OXR1: variants seen among roughly 807,000 people sequenced by gnomAD.
OXR1 encodes oxidation resistance 1.
Under a neutral mutation model 104.6 loss-of-function variants are expected in OXR1, and 41 were observed. The ratio of observed to expected loss-of-function variants is 0.39; its 90% CI spans 0.31 to 0.51. The LOEUF is 0.51. Ranked by LOEUF, OXR1 falls within the 20% of genes least tolerant of loss-of-function variation. The pLI is 0.77. For missense variants in OXR1, 955 were observed against 1,031.9 expected, an observed-to-expected ratio of 0.93 and a Z score of 1.02; for synonymous variants, 348 against 348.4, an observed-to-expected ratio of 1.00 and a Z score of 0.01.
chr8:106,577,613 C>T (rs1351858971), intron 3 of OXR1, among the ~76,000 whole-genome samples: 6 of 152,038 alleles, frequency 3.9e-5, no homozygotes, highest in Admixed American at 3.9e-4. Context: ...TGGTCTCGAA[C>T]TCCTGACCTG....
intron 1 of OXR1, among the ~76,000 whole-genome samples, chr8:106,338,882 C>T (rs1202999089): frequency 2.0e-5 from 3 of 152,090 alleles, no homozygotes; most frequent in African/African-American, 7.2e-5. Flanking sequence ...CCCACTCTCT[C>T]TCTCTTTAAT....
chr8:106,506,593 A>G (rs868791641), intron 2 of OXR1, among the ~76,000 whole-genome samples: 47 of 152,176 alleles, frequency 3.1e-4, no homozygotes, highest in African/African-American at 1.1e-3. Context: ...CCTGGGTGAC[A>G]GAGCGAGACT....
intron 2 of OXR1, among the ~76,000 whole-genome samples, chr8:106,518,142 T>C (rs931905258): frequency 6.6e-6 from 1 of 152,174 alleles, no homozygotes; most frequent in African/African-American, 2.4e-5. Context: ...TTTTAGGAAA[T>C]TGCAAGTGTT....
At chr8:106,327,576 T>C (rs1011103120) in intron 1 of OXR1, among the ~76,000 whole-genome samples, 5 of 151,820 alleles carry the variant, frequency 3.3e-5, no homozygotes, top group Admixed American at 2.6e-4. Flanking sequence ...GTAATGCGTC[T>C]TGCTAAATGC....
At chr8:106,709,005 T>G (rs1243417562) in intron 9 of OXR1, among the ~76,000 whole-genome samples, 1 of 152,122 alleles carries the variant, frequency 6.6e-6, no homozygotes, top group Non-Finnish European at 1.5e-5. Flanking sequence ...AATTCATATA[T>G]TAATACTTGA....
At chr8:106,359,085 T>G (rs2130335986) in intron 1 of OXR1, among the ~76,000 whole-genome samples, 1 of 122,522 alleles carries the variant, frequency 8.2e-6, no homozygotes, top group East Asian at 2.4e-4. Context: ...CTTTCTTTCT[T>G]TCTTTCTTTC....
intron 2 of OXR1, among the ~76,000 whole-genome samples, chr8:106,481,064 A>G: frequency 6.6e-6 from 1 of 152,056 alleles, no homozygotes; most frequent in East Asian, 1.9e-4. Flanking sequence ...GGTAATAGCT[A>G]GAACTAAGCA....
intron 8 of OXR1, among the ~76,000 whole-genome samples, chr8:106,706,153 A>C (rs1198109102): frequency 1.3e-5 from 2 of 152,156 alleles, no homozygotes; most frequent in South Asian, 4.1e-4. Flanking sequence ...ATATTAAGCA[A>C]TTGATATAAA....
chr8:106,707,194 C>CTCCGTCTT (rs1831222003), intron 9 of OXR1, 49 bp downstream of exon 9: 2 of 1,554,676 alleles, frequency 1.3e-6, no homozygotes, highest in African/African-American at 2.7e-5. Context: ...TGTATGGTGT[C>CTCCGTCTT]TCCGTCTTTC....
intron 1 of OXR1, among the ~76,000 whole-genome samples, chr8:106,345,789 T>C (rs1275637169): frequency 6.6e-6 from 1 of 152,222 alleles, no homozygotes; most frequent in Non-Finnish European, 1.5e-5. Flanking sequence ...TTATGATTAT[T>C]GGTTTTTTGA....
chr8:106,729,614 A>G (rs1049865352), intron 11 of OXR1, among the ~76,000 whole-genome samples: 1 of 152,146 alleles, frequency 6.6e-6, no homozygotes, highest in African/African-American at 2.4e-5. Context: ...ACCAGTATTT[A>G]TGTATGTCTT....
At chr8:106,627,216 C>T (rs1390082061) in intron 3 of OXR1, among the ~76,000 whole-genome samples, 2 of 152,142 alleles carry the variant, frequency 1.3e-5, no homozygotes, top group East Asian at 3.9e-4. Flanking sequence ...GATGTTGTTA[C>T]ATAAGAGAAC....
At chr8:106,545,005 C>T (rs572329094) in intron 3 of OXR1, among the ~76,000 whole-genome samples, 7 of 152,240 alleles carry the variant, frequency 4.6e-5, no homozygotes, top group East Asian at 3.9e-4. Flanking sequence ...TTGGCACTAA[C>T]GTCATTTTGG....
chr8:106,671,600 A>G (rs1161875604), intron 3 of OXR1, among the ~76,000 whole-genome samples: 1 of 152,130 alleles, frequency 6.6e-6, no homozygotes, highest in African/African-American at 2.4e-5. Context: ...TGGATTAAGA[A>G]AATGTGGCAC....
intron 2 of OXR1, among the ~76,000 whole-genome samples, chr8:106,497,097 G>A (rs1043629983): frequency 1.3e-5 from 2 of 152,196 alleles, no homozygotes; most frequent in Non-Finnish European, 2.9e-5. Context: ...AGAGAAATGT[G>A]ATATTTCTGA....
chr8:106,493,053 A>T (rs955883020), intron 2 of OXR1, among the ~76,000 whole-genome samples: 24 of 152,044 alleles, frequency 1.6e-4, no homozygotes, highest in South Asian at 4.1e-4. Context: ...ACTTTTTTTT[A>T]AAAAAATTGA....
In OXR1 at chr8:106,718,683, C is replaced by CA. The variant is rs919391153; in HGVS notation, c.1956+4704dup. Among the ~76,000 whole-genome samples, 17 of 151,606 alleles carry CA rather than the reference C, an allele frequency of 1.1e-4. 1 individual carries two copies. The highest frequency in any genetic ancestry group is 1.1e-3 in the Admixed American group (16 of 15,216). On this transcript the variant is annotated intron_variant, in intron 11 of 16. Coordinates refer to ENST00000517566, the MANE Select transcript of OXR1 (RefSeq NM_001198533.2). The stretch of plus-strand genomic sequence containing the variant: ...TGAAACCCCGTCTCTACTAAAAATA[C>CA]AAAAAATTAGCCGGGCGTGGTGGCG...
At chr8:106,354,250 T>C (rs1815864236) in intron 1 of OXR1, among the ~76,000 whole-genome samples, 3 of 152,166 alleles carry the variant, frequency 2.0e-5, no homozygotes, top group African/African-American at 4.8e-5. Context: ...AGGCTTTAGA[T>C]TTTATGTGAA....
At chr8:106,530,845 A>G (rs565286235) in intron 3 of OXR1, among the ~76,000 whole-genome samples, 1 of 152,290 alleles carries the variant, frequency 6.6e-6, no homozygotes, top group East Asian at 1.9e-4. Context: ...AAAAAAATCT[A>G]TGTGGGTTTA....
Sources: gnomAD v4.1 joint callset for allele counts (sites outside exome capture counted in the v4.1 genomes callset) on GRCh38, gnomAD v4.1.1 for gene constraint, MANE v1.5 for transcripts, NCBI Gene and HGNC (gene_info 2026-07-23, HGNC 2026-07-21) for gene names.